Variants in CASK observed in about 807,000 individuals in gnomAD.
CASK encodes the protein calcium/calmodulin dependent serine protein kinase, also known as peripheral plasma membrane protein CASK.
Under a neutral mutation model 82.9 loss-of-function variants are expected in CASK, and 4 were observed. The ratio of observed to expected loss-of-function variants is 0.05; its 90% CI spans 0.02 to 0.11. The LOEUF is 0.11. Among genes scored for constraint, CASK ranks in the 10% least tolerant of loss-of-function variants. The pLI is 1.00. For missense variants in CASK, 358 were observed against 720.9 expected (o/e 0.50, Z 5.76); for synonymous variants, 259 against 253.5 (o/e 1.02, Z -0.20).
At chrX:41,596,290 C>G (rs1017574731) in intron 12 of CASK, among the ~76,000 whole-genome samples, 3 of 111,422 alleles carry the variant, frequency 2.7e-5, no homozygotes, top group Non-Finnish European at 5.7e-5. Context: ...TCTGTCACAG[C>G]CACTAAACCC....
In CASK at chrX:41,561,574, T is replaced by C. The variant is rs2065228645; in HGVS notation, c.1653A>G (p.Gln551=). 1.7e-6 allele frequency: 2 copies of C among 1,201,228 alleles called. No individual in the cohort carries two copies. The highest frequency in any genetic ancestry group is 5.9e-5 in the East Asian group (2 of 33,791). ...ATTTACTTACAAGCATTTTTTGCAG[T>C]TGTTCCACTGTTTGGTTAGCCACAC... ...GISVANQTVE[Q]LQKMLREMRG... is the part of the protein sequence containing the mutation. The change falls in exon 17 of 27, where the codon CAA becomes CAG. Residue 551 remains glutamine (Q), a synonymous_variant. Transcript: ENST00000378163.
chrX:41,720,882 C>G (rs2068152939), intron 5 of CASK, among the ~76,000 whole-genome samples: 1 of 111,565 alleles, frequency 9.0e-6, no homozygotes, highest in African/African-American at 3.3e-5. Context: ...ATATGCCTGC[C>G]CTTTGAAACA....
intron 1 of CASK, among the ~76,000 whole-genome samples, chrX:41,913,209 G>A (rs1164083023): frequency 1.8e-5 from 2 of 111,989 alleles, no homozygotes; most frequent in Admixed American, 9.5e-5. Flanking sequence ...CCTGAGGCCA[G>A]AGAACTCAAG....
chrX:41,816,220 C>G, intron 2 of CASK, among the ~76,000 whole-genome samples: 1 of 111,587 alleles, frequency 9.0e-6, no homozygotes, highest in South Asian at 3.7e-4. Context: ...GAAAAAAGAT[C>G]AGTTCATGAT....
intron 1 of CASK, among the ~76,000 whole-genome samples, chrX:41,910,022 G>C (rs761431039): frequency 2.2e-4 from 25 of 111,826 alleles, no homozygotes; most frequent in Non-Finnish European, 4.1e-4. Context: ...AGGAGTTTGA[G>C]ATCAGCCTGG....
intron 2 of CASK, among the ~76,000 whole-genome samples, chrX:41,845,184 T>C (rs900240722): frequency 8.9e-6 from 1 of 112,309 alleles, no homozygotes; most frequent in African/African-American, 3.2e-5. Context: ...TACAGATGTC[T>C]GTTAGGTCTA....
intron 5 of CASK, among the ~76,000 whole-genome samples, chrX:41,715,614 C>T (rs1170507993): frequency 4.8e-5 from 5 of 104,178 alleles, no homozygotes; most frequent in Non-Finnish European, 7.8e-5. Flanking sequence ...AAGAGCAAAA[C>T]TCTGACTTGA....
At chrX:41,732,153 GTT>G (rs1421270005) in intron 5 of CASK, among the ~76,000 whole-genome samples, 2 of 110,565 alleles carry the variant, frequency 1.8e-5, no homozygotes, top group African/African-American at 6.6e-5. Context: ...GTCTGTGTGA[GTT>G]ACAGTCAAAC....
At chrX:41,556,460 A>G (rs1023312963) in intron 19 of CASK, among the ~76,000 whole-genome samples, 4 of 112,450 alleles carry the variant, frequency 3.6e-5, no homozygotes, top group African/African-American at 9.7e-5. Context: ...AAGATGTGAT[A>G]ACAGCGTGGC....
At chrX:41,812,362 T>C (rs1213467163) in intron 2 of CASK, among the ~76,000 whole-genome samples, 1 of 111,417 alleles carries the variant, frequency 9.0e-6, no homozygotes, top group Non-Finnish European at 1.9e-5. Flanking sequence ...GCAAACCGAA[T>C]CCAGCAGCAC....
chrX:41,659,556 C>T (rs2066997937), intron 8 of CASK, among the ~76,000 whole-genome samples: 1 of 111,165 alleles, frequency 9.0e-6, no homozygotes, highest in Non-Finnish European at 1.9e-5. Context: ...CCTCTCCAAG[C>T]GTTAGTCTTT....
At chrX:41,676,380 C>T in intron 5 of CASK, 19 of 1,199,448 alleles carry the variant, frequency 1.6e-5, no homozygotes, top group Non-Finnish European at 2.1e-5. Flanking sequence ...TTCCTCTCCT[C>T]ATTGGATAAT....
At chrX:41,531,998 G>A (rs2064809777) in intron 24 of CASK, among the ~76,000 whole-genome samples, 1 of 111,787 alleles carries the variant, frequency 8.9e-6, no homozygotes, top group Non-Finnish European at 1.9e-5. Context: ...GCAGTGGTGC[G>A]ATCTCAGCTC....
At position 41,728,316 on chromosome X, in the gene CASK, C is replaced by T. The variant is rs1028913; in HGVS notation, c.429+11068G>A. 8.8e-5 allele frequency: 19 copies of T among 215,845 alleles called. No homozygotes were observed. In the Admixed American group the frequency reaches 1.2e-3, roughly 14 times the overall value. The allele number at this position is 215,845 out of a possible 1,213,427, so 17.8% of individuals were successfully genotyped here. Reference sequence around the variant, plus strand: ...CTGTTTTCTGTTTAAACTCAACTGTCAGTGCTTCTGTTCAGAACACGTTAT... The same window carrying T: ...CTGTTTTCTGTTTAAACTCAACTGTTAGTGCTTCTGTTCAGAACACGTTAT... On this transcript the variant is annotated intron_variant, in intron 5 of 26. Coordinates refer to ENST00000378163, the MANE Select transcript of CASK (RefSeq NM_001367721.1).
chrX:41,692,700 C>G (rs1313157205), intron 5 of CASK, among the ~76,000 whole-genome samples: 1 of 112,152 alleles, frequency 8.9e-6, no homozygotes, highest in Non-Finnish European at 1.9e-5. Context: ...ATGGCCTTTT[C>G]TAAGTGTGCT....
At chrX:41,747,069 C>T (rs976915878) in intron 3 of CASK, among the ~76,000 whole-genome samples, 2 of 110,012 alleles carry the variant, frequency 1.8e-5, no homozygotes, top group Non-Finnish European at 3.8e-5. Flanking sequence ...TAATACTCAG[C>T]AGAAGACACA....
intron 5 of CASK, among the ~76,000 whole-genome samples, chrX:41,721,483 C>A (rs1420522892): frequency 9.0e-6 from 1 of 111,295 alleles, no homozygotes; most frequent in Non-Finnish European, 1.9e-5. Context: ...TGGTCAGTTT[C>A]TGCTACCTCA....
rs1290671650 is a variant in CASK at position 41,680,355 on chromosome X, G to A, written c.430-8825C>T. ...AAATTTGCTGGGCGTGGTGGCATGC[G>A]CCTATAGTCCCAGCTACTCAGGAGG... On this transcript the variant is annotated intron_variant, in intron 5 of 26. Transcript: ENST00000378163. 5.5e-5 allele frequency among the ~76,000 whole-genome samples: 6 copies of A among 109,756 alleles called. No homozygotes were observed. In the East Asian group the frequency reaches 1.4e-3, roughly 26 times the overall value.
At chrX:41,814,752 A>G (rs1365303083) in intron 2 of CASK, among the ~76,000 whole-genome samples, 2 of 112,040 alleles carry the variant, frequency 1.8e-5, no homozygotes, top group Non-Finnish European at 3.8e-5. Context: ...ATAAAAAAAA[A>G]GAAATGCAAA....
Sources: gnomAD v4.1 joint callset for allele counts (sites outside exome capture counted in the v4.1 genomes callset) on GRCh38, gnomAD v4.1.1 for gene constraint, MANE v1.5 for transcripts, NCBI Gene and HGNC (gene_info 2026-07-23, HGNC 2026-07-21) for gene names.